WDR33: variants seen among roughly 807,000 people sequenced by gnomAD.
WDR33 encodes pre-mRNA 3' end processing protein WDR33.
In WDR33, 47 loss-of-function variants were observed where a neutral mutation model predicts 164.9. That is an observed-to-expected ratio of 0.29 (90% CI 0.23 to 0.36). The LOEUF (loss-of-function observed/expected upper bound fraction) is 0.36, where lower values mean the gene tolerates loss of function less well. Among genes scored for constraint, WDR33 ranks in the 10% least tolerant of loss-of-function variants. The pLI, the probability that WDR33 is intolerant of heterozygous loss-of-function variation, is 1.00. For synonymous variants in WDR33, 505 were observed against 589.0 expected (o/e 0.86, Z 2.06); for missense variants, 1,137 against 1,754.1 (o/e 0.65, Z 6.28).
rs901939726 is a variant in WDR33, at chr2:127,733,570, G to A, written c.725-6793C>T. On this transcript the variant is annotated intron_variant, in intron 7 of 21. Transcript: ENST00000322313. ...CATATGGCACCTATTAGCCATATAC[G>A]GCTGTTTAAATTTGTTTTAGGGTTA... 7.9e-5 allele frequency among the ~76,000 whole-genome samples: 12 copies of A among 152,016 alleles called. No homozygotes were observed. In the South Asian group the frequency reaches 1.2e-3, roughly 16 times the overall value.
Position 127,725,110 on chromosome 2 carries a change from G to A in WDR33, c.957C>T (p.Asn319=). 1.9e-6 allele frequency: 3 copies of A among 1,613,654 alleles called. No homozygotes were observed. Among genetic ancestry groups the A allele is most frequent in the Non-Finnish European group, 2.5e-6 (3 of 1,179,918 alleles). ...DHLCKLFDIR[N]LKEELQVFRG... The stretch of plus-strand genomic sequence containing the variant: ...GGAAGACTTGAAGCTCTTCTTTTAG[G>A]TTTCTGATATCAAAAAGTTTACAGA... The change falls in exon 9 of 22, where the codon AAC becomes AAT. Residue 319 remains asparagine, a synonymous_variant. Coordinates refer to ENST00000322313, the MANE Select transcript of WDR33 (RefSeq NM_018383.5).
intron 1 of WDR33, among the ~76,000 whole-genome samples, chr2:127,807,090 C>T (rs1431938200): frequency 2.6e-5 from 4 of 152,082 alleles, no homozygotes; most frequent in African/African-American, 4.8e-5. Flanking sequence ...CTGCAACCTC[C>T]GCCTCCAAGG....
rs745329228 is a variant in WDR33, at chr2:127,702,817, A to G, written c.*3506T>C. The G allele has an allele frequency of 6.0e-6, 1 of 166,972 alleles. No individual in the cohort carries two copies. Among genetic ancestry groups the G allele is most frequent in the African/African-American group, 2.4e-5 (1 of 41,466 alleles). The allele number at this position is 166,972 out of a possible 1,614,324, so 10.3% of individuals were successfully genotyped here. A position where few individuals can be genotyped will look rare whatever the true frequency, so the allele number is the denominator to read the frequency against. On this transcript the variant is annotated 3_prime_UTR_variant, in exon 22 of 22. Transcript: ENST00000322313. ...ATTTCACGACGAAAGCGACGGACCAAAAGAAATTTCCTGCCCCAAGAAGCA... is the reference window on the plus strand; with the variant it reads ...ATTTCACGACGAAAGCGACGGACCAGAAGAAATTTCCTGCCCCAAGAAGCA...
chr2:127,749,824 CT>C (rs1687264866), intron 7 of WDR33, among the ~76,000 whole-genome samples: 1 of 151,508 alleles, frequency 6.6e-6, no homozygotes, highest in African/African-American at 2.4e-5. Flanking sequence ...TTTCAAATAC[CT>C]TTCATTTCAC....
intron 7 of WDR33, among the ~76,000 whole-genome samples, chr2:127,761,540 C>A (rs1488038667): frequency 6.6e-6 from 1 of 152,192 alleles, no homozygotes; most frequent in African/African-American, 2.4e-5. Context: ...ATTTCATTTT[C>A]TCTAAGTTTC....
intron 1 of WDR33, among the ~76,000 whole-genome samples, chr2:127,794,518 GGAAAA>G (rs760445303): frequency 6.8e-6 from 1 of 146,084 alleles, no homozygotes; most frequent in Non-Finnish European, 1.5e-5. Context: ...GGAAAGGATA[GGAAAA>G]GAAAAGAGAC....
chr2:127,731,301 AAAAAAAAAAAAAAAAAACACAG>A (rs1381512930), intron 7 of WDR33, among the ~76,000 whole-genome samples: 2 of 151,048 alleles, frequency 1.3e-5, no homozygotes, highest in Non-Finnish European at 3.0e-5. Context: ...CCTCAAAAAA[AAAAAAAAAAAAAAAAAACACAG>A]AAAAGCAAAA....
chr2:127,787,963 C>T (rs1420191685), intron 1 of WDR33, among the ~76,000 whole-genome samples: 10 of 54,816 alleles, frequency 1.8e-4, no homozygotes, highest in East Asian at 1.1e-3. Context: ...CCAGTAGGGG[C>T]GGCCGGGCAG....
Position 127,763,913 on chromosome 2 carries a change from A to T in WDR33, c.627-754T>A. On this transcript the variant is annotated intron_variant, in intron 6 of 21. Transcript: ENST00000322313. The surrounding 1 kb of genome is among the most constrained non-coding windows in gnomAD (Gnocchi z 4.5). ...AACTCAATGTATGGGCATGACACTA[A>T]GGCAAAATCTACAAAGCAGAAGCAT... 1 of 985,756 alleles carries T rather than the reference A, an allele frequency of 1.0e-6. No homozygotes were observed. The highest frequency in any genetic ancestry group is 1.2e-6 in the Non-Finnish European group (1 of 830,200). The allele number at this position is 985,756 out of a possible 1,614,324, so 61.1% of individuals were successfully genotyped here.
chr2:127,765,794 TAA>T (rs769820035), intron 4 of WDR33, among the ~76,000 whole-genome samples: 5 of 135,778 alleles, frequency 3.7e-5, no homozygotes, highest in Admixed American at 7.5e-5. Flanking sequence ...TAAACATATT[TAA>T]AAAAAAAAAA....
intron 1 of WDR33, among the ~76,000 whole-genome samples, chr2:127,790,885 A>G (rs1337034187): frequency 6.6e-6 from 1 of 152,064 alleles, no homozygotes; most frequent in African/African-American, 2.4e-5. Flanking sequence ...TAAGTCATCA[A>G]ATTTAGGGGC....
rs185080210 is a variant in WDR33, at chr2:127,714,981, A to G, written c.2870-960T>C. On this transcript the variant is annotated intron_variant, in intron 17 of 21. Transcript: ENST00000322313. The surrounding 1 kb of genome is among the most constrained non-coding windows in gnomAD (Gnocchi z 4.3). ...TCCAATAGCCCAGTTCATGCCTTTT[A>G]CTGCTTTTCCCTGGCTATAAAGACA... 2.0e-5 allele frequency among the ~76,000 whole-genome samples: 3 copies of G among 151,770 alleles called. No individual in the cohort carries two copies. The highest frequency in any genetic ancestry group is 2.0e-4 in the Admixed American group (3 of 15,256).
intron 1 of WDR33, among the ~76,000 whole-genome samples, chr2:127,796,036 T>C (rs950374061): frequency 1.7e-4 from 26 of 151,720 alleles, no homozygotes; most frequent in African/African-American, 5.8e-4. Context: ...GTAAATTAGG[T>C]AAATAGAACA....
chr2:127,710,495 C>T lies in WDR33; in HGVS notation c.3309-639G>A, dbSNP rs1451603761. ...ACGAGTGGCACTCATGGCCCGAGTC[C>T]ACAGCTGATGGGCACACAGGTCAGC... On this transcript the variant is annotated intron_variant, in intron 18 of 21. Coordinates refer to ENST00000322313, the MANE Select transcript of WDR33 (RefSeq NM_018383.5). The surrounding 1 kb of genome is among the most constrained non-coding windows in gnomAD (Gnocchi z 4.4). 6.6e-6 allele frequency among the ~76,000 whole-genome samples: 1 copy of T among 152,152 alleles called. No homozygotes were observed. The highest frequency in any genetic ancestry group is 1.5e-5 in the Non-Finnish European group (1 of 68,024).
At chr2:127,745,881 T>A (rs1687153745) in intron 7 of WDR33, among the ~76,000 whole-genome samples, 1 of 151,928 alleles carries the variant, frequency 6.6e-6, no homozygotes, top group African/African-American at 2.4e-5. Context: ...AATCTGTGGC[T>A]GGGCATGGTG....
In WDR33 at chr2:127,719,732, G is replaced by C. The variant is rs141138127; in HGVS notation, c.2293C>G (p.Gln765Glu). 1.7e-5 allele frequency: 28 copies of C among 1,613,636 alleles called. No individual in the cohort carries two copies. The highest frequency in any genetic ancestry group is 2.3e-5 in the Non-Finnish European group (27 of 1,179,952). Residue 765 changes from glutamine to glutamate, a missense_variant, in exon 16 of 22, where the codon CAA (glutamine) becomes GAA (glutamate). This residue lies in a region of WDR33 where 867 missense variants were observed against 1,073.0 expected (regional missense o/e 0.81). Transcript: ENST00000322313. This position sits in a 1 kb window ranked among gnomAD's most constrained non-coding sequence, Gnocchi z 6.5. ...PHGIQGGPGS[Q>E]GIQGPVSQGP... ...TGAGACACAGGACCTTGGATCCCTT[G>C]AGACCCTGGTCCGCCTTGGATCCCA... is the stretch of plus-strand genomic sequence containing the variant.
chr2:127,761,878 G>A (rs182263142), intron 7 of WDR33, among the ~76,000 whole-genome samples: 5 of 152,262 alleles, frequency 3.3e-5, no homozygotes, highest in South Asian at 2.1e-4. Flanking sequence ...CAGTACTGTG[G>A]ATAAACCCAA....
At chr2:127,762,772 G>A (rs1230776915) in intron 7 of WDR33, 1 of 1,150,416 alleles carries the variant, frequency 8.7e-7, no homozygotes, top group Non-Finnish European at 1.1e-6. Context: ...TGGCTACAAG[G>A]AAGGAAAAGG....
Position 127,735,207 on chromosome 2 carries a change from T to C in WDR33, c.725-8430A>G, listed in dbSNP as rs1686810108. ...TTAAAGGAGGAGGTTCCCTGGCTTC[T>C]GTGAAACTGGATGTAAACTTTGTGC... On this transcript the variant is annotated intron_variant, in intron 7 of 21. Transcript: ENST00000322313. The surrounding 1 kb of genome is among the most constrained non-coding windows in gnomAD (Gnocchi z 4.3). 6.6e-6 allele frequency among the ~76,000 whole-genome samples: 1 copy of C among 151,890 alleles called. No individual in the cohort carries two copies. Among genetic ancestry groups the C allele is most frequent in the Non-Finnish European group, 1.5e-5 (1 of 68,024 alleles).
Sources: gnomAD v4.1 joint callset for allele counts (sites outside exome capture counted in the v4.1 genomes callset) on GRCh38, gnomAD v4.1.1 for gene constraint, gnomAD v4.1.1 regional missense constraint, Gnocchi (gnomAD v3.1) non-coding constraint, MANE v1.5 for transcripts, NCBI Gene and HGNC (gene_info 2026-07-23, HGNC 2026-07-21) for gene names.